ELAVL3: variants seen among roughly 807,000 people sequenced by gnomAD.
ELAVL3 encodes ELAV-like protein 3.
In ELAVL3, 8 loss-of-function variants were observed where a neutral mutation model predicts 34.2. The observed-to-expected ratio is 0.23, with a 90% CI of 0.14 to 0.42. ELAVL3 has a LOEUF of 0.42. Ranked by LOEUF, ELAVL3 falls within the 10% of genes least tolerant of loss-of-function variation. The pLI is 1.00. For missense variants in ELAVL3, 273 were observed against 518.8 expected (o/e 0.53, Z 4.60); for synonymous variants, 209 against 222.1 (o/e 0.94, Z 0.53).
chr19:11,457,129 T>G lies in ELAVL3; in HGVS notation c.733A>C (p.Met245Leu). The part of the protein sequence containing the change: ...QRFRLDNLLN[M>L]AYGVKSPLSL... ...TGTTACCTCTTGACGCCGTAGGCCA[T>G]GTTGAGCAAATTGTCCAGCCTGTGG... The change falls in exon 6 of 7, where the codon ATG becomes CTG. Residue 245 changes from methionine (M) to leucine (L), a missense_variant. Physicochemically the swap from Met to Leu is conservative, Grantham distance 15 (BLOSUM62 2). Around this residue, in one of 4 missense-constraint regions of ELAVL3, gnomAD observed 79 missense variants for 108.2 expected, o/e 0.73. Transcript: ENST00000359227. The G allele has an allele frequency of 6.5e-7, 1 of 1,547,334 alleles. No individual in the cohort carries two copies. Among genetic ancestry groups the G allele is most frequent in the Non-Finnish European group, 8.7e-7 (1 of 1,154,014 alleles).
chr19:11,464,103 C>CTCTCTCTCTGTCTCTCTCTG (rs1298497037), intron 3 of ELAVL3, among the ~76,000 whole-genome samples: 1 of 143,432 alleles, frequency 7.0e-6, no homozygotes, highest in African/African-American at 2.8e-5. Context: ...CTCTCCCTCT[C>CTCTCTCTCTGTCTCTCTCTG]TCTCTCTCTG....
intron 3 of ELAVL3, among the ~76,000 whole-genome samples, chr19:11,465,377 TACACACATACAC>T (rs1252592596): frequency 2.0e-5 from 3 of 148,362 alleles, no homozygotes; most frequent in Non-Finnish European, 3.0e-5. Context: ...CACATATACA[TACACACATACAC>T]ACACACATAC....
intron 3 of ELAVL3, among the ~76,000 whole-genome samples, chr19:11,464,163 A>ATTTT (rs1970958329): frequency 9.3e-6 from 1 of 107,598 alleles, no homozygotes; most frequent in Admixed American, 9.2e-5. Context: ...ATATATATAT[A>ATTTT]TATATTTTTT....
At chr19:11,456,924 C>G (rs190444274) in intron 6 of ELAVL3, among the ~76,000 whole-genome samples, 186 bp downstream of exon 6, 1 of 152,112 alleles carries the variant, frequency 6.6e-6, no homozygotes, top group African/African-American at 2.4e-5. Flanking sequence ...CTCAGCCTCC[C>G]GAAACACTGG....
intron 6 of ELAVL3, among the ~76,000 whole-genome samples, chr19:11,455,603 T>A (rs1970752460): frequency 6.6e-6 from 1 of 151,924 alleles, no homozygotes; most frequent in South Asian, 2.1e-4. Flanking sequence ...CGCTAATTTT[T>A]AAAAATTTTT....
chr19:11,462,464 C>T (rs1461383261), intron 3 of ELAVL3, among the ~76,000 whole-genome samples: 1 of 151,162 alleles, frequency 6.6e-6, no homozygotes, highest in Non-Finnish European at 1.5e-5. Context: ...TGGTGAAACC[C>T]CGTCTCTACT....
At chr19:11,464,865 C>CA (rs1970993137) in intron 3 of ELAVL3, among the ~76,000 whole-genome samples, 1 of 130,044 alleles carries the variant, frequency 7.7e-6, no homozygotes, top group Non-Finnish European at 1.6e-5. Context: ...AACACACACA[C>CA]CACACACACA....
intron 1 of ELAVL3, among the ~76,000 whole-genome samples, chr19:11,475,080 C>T (rs1257194772): frequency 1.4e-4 from 21 of 152,190 alleles, no homozygotes; most frequent in Admixed American, 1.4e-3. Flanking sequence ...CTGCCTCGGC[C>T]TCCCAAAGTG....
chr19:11,477,602 T>G (rs1453157828), intron 1 of ELAVL3, among the ~76,000 whole-genome samples: 1 of 151,676 alleles, frequency 6.6e-6, no homozygotes, highest in East Asian at 1.9e-4. Flanking sequence ...GAGGTAAGAG[T>G]TCTATGTTGA....
chr19:11,454,661 CTTG>C lies in ELAVL3; in HGVS notation c.966_968del (p.Asn322del). On this transcript the variant is annotated inframe_deletion, in exon 7 of 7. Coordinates refer to ENST00000359227, the MANE Select transcript of ELAVL3 (RefSeq NM_001420.4). This position sits in a 1 kb window ranked among gnomAD's most constrained non-coding sequence, Gnocchi z 9.2. ...TGGTCACGAAGCCGAAACCCTTGCACTTGTTGGTGGTGAAATCACGGATGACCT... is the reference window on the plus strand; with the variant it reads ...TGGTCACGAAGCCGAAACCCTTGCACTTGGTGGTGAAATCACGGATGACCT... The C allele has an allele frequency of 6.2e-7, 1 of 1,614,220 alleles. No homozygotes were observed. Among genetic ancestry groups the C allele is most frequent in the Non-Finnish European group, 8.5e-7 (1 of 1,180,024 alleles).
At chr19:11,470,382 A>T (rs543727954) in intron 1 of ELAVL3, among the ~76,000 whole-genome samples, 1 of 151,792 alleles carries the variant, frequency 6.6e-6, no homozygotes, top group East Asian at 2.0e-4. Context: ...ATAAATAAAT[A>T]AGGCCGGGCA....
intron 6 of ELAVL3, among the ~76,000 whole-genome samples, chr19:11,456,063 T>C (rs1970761920): frequency 6.6e-6 from 1 of 152,022 alleles, no homozygotes; most frequent in African/African-American, 2.4e-5. Flanking sequence ...TTGCCTCAGA[T>C]GGGACTGGGG....
At position 11,464,149 on chromosome 19, in the gene ELAVL3, C is replaced by CTA. The variant is rs1181111341; in HGVS notation, c.333+2022_333+2023insTA. On this transcript the variant is annotated intron_variant, in intron 3 of 6. Coordinates refer to ENST00000359227, the MANE Select transcript of ELAVL3 (RefSeq NM_001420.4). ...TCTCTCTCTCTCTCTCTCTCTCTCT[C>CTA]TCTATATATATATATATATTTTTTT... is the stretch of plus-strand genomic sequence containing the variant. 6.7e-3 allele frequency among the ~76,000 whole-genome samples: 646 copies of CTA among 96,520 alleles called. 10 individuals carry two copies. The highest frequency in any genetic ancestry group is 0.06 in the East Asian group (199 of 3,318). The allele number at this position is 96,520 out of a possible 152,430, so 63.3% of individuals were successfully genotyped here.
chr19:11,464,617 CCA>C lies in ELAVL3; in HGVS notation c.333+1553_333+1554del, dbSNP rs1244855396. 2.1e-3 allele frequency among the ~76,000 whole-genome samples: 301 copies of C among 145,290 alleles called. 5 individuals are homozygous for C. The highest frequency in any genetic ancestry group is 0.014 in the South Asian group (62 of 4,570). On this transcript the variant is annotated intron_variant, in intron 3 of 6. Transcript: ENST00000359227. The stretch of plus-strand genomic sequence containing the variant: ...TACACACACACATACACCACACACA[CCA>C]CACACACACCACACACACCACACAT...
At position 11,464,167 on chromosome 19, in the gene ELAVL3, A is replaced by ATATT. The variant is rs1319720810; in HGVS notation, c.333+2004_333+2005insAATA. 8.7e-3 allele frequency among the ~76,000 whole-genome samples: 901 copies of ATATT among 103,784 alleles called. 33 individuals carry two copies. The highest frequency in any genetic ancestry group is 0.037 in the African/African-American group (849 of 23,064). The allele number at this position is 103,784 out of a possible 152,430, so 68.1% of individuals were successfully genotyped here. On this transcript the variant is annotated intron_variant, in intron 3 of 6. Transcript: ENST00000359227. Reference sequence around the variant, plus strand: ...TCTCTCTCTCTATATATATATATATATTTTTTTTTTTTTTAGACAGGGTCT... The same window carrying ATATT: ...TCTCTCTCTCTATATATATATATATATATTTTTTTTTTTTTTTTAGACAGGGTCT...
At position 11,464,592 on chromosome 19, in the gene ELAVL3, T is replaced by C. The variant is rs565965326; in HGVS notation, c.333+1580A>G. On this transcript the variant is annotated intron_variant, in intron 3 of 6. Coordinates refer to ENST00000359227, the MANE Select transcript of ELAVL3 (RefSeq NM_001420.4). ...GACACACACACACCCCACACACACA[T>C]ACACACACACATACACCACACACAC... 1.6e-3 allele frequency among the ~76,000 whole-genome samples: 206 copies of C among 132,458 alleles called. 2 individuals are homozygous for C. Among genetic ancestry groups the C allele is most frequent in the South Asian group, 9.7e-3 (39 of 4,026 alleles). 86.9% of individuals were successfully genotyped at this position (132,458 alleles called of 152,430 possible). A position where few individuals can be genotyped will look rare whatever the true frequency, so the allele number is the denominator to read the frequency against.
At chr19:11,471,750 G>A (rs964590446) in intron 1 of ELAVL3, among the ~76,000 whole-genome samples, 2 of 152,030 alleles carry the variant, frequency 1.3e-5, no homozygotes, top group Admixed American at 1.3e-4. Context: ...CACTGAACCT[G>A]GCCCAATTTT....
intron 1 of ELAVL3, among the ~76,000 whole-genome samples, chr19:11,472,622 G>A (rs1318965537): frequency 1.3e-5 from 2 of 149,622 alleles, no homozygotes; most frequent in Non-Finnish European, 3.0e-5. Flanking sequence ...GATCACTTGA[G>A]CCCAGGAGGT....
At position 11,480,408 on chromosome 19, in the gene ELAVL3, A is replaced by T; in HGVS notation, c.9+192T>A. The T allele has an allele frequency of 1.7e-6, 1 of 581,456 alleles. No individual in the cohort carries two copies. Among genetic ancestry groups the T allele is most frequent in the Non-Finnish European group, 2.7e-6 (1 of 374,516 alleles). 36.0% of individuals were successfully genotyped at this position (581,456 alleles called of 1,614,324 possible). On this transcript the variant is annotated intron_variant, in intron 1 of 6. Transcript: ENST00000359227. This position sits in a 1 kb window ranked among gnomAD's most constrained non-coding sequence, Gnocchi z 6.8. ...GTCTCCCTAAGGCCCTCTCAGACCA[A>T]GCTCTAAGCGCCCTCAGCACTCTGG...
Sources: gnomAD v4.1 joint callset for allele counts (sites outside exome capture counted in the v4.1 genomes callset) on GRCh38, gnomAD v4.1.1 for gene constraint, gnomAD v4.1.1 regional missense constraint, Gnocchi (gnomAD v3.1) non-coding constraint, MANE v1.5 for transcripts, NCBI Gene and HGNC (gene_info 2026-07-23, HGNC 2026-07-21) for gene names.